Variants in EYS observed in about 807,000 individuals in gnomAD.
The protein encoded by EYS is EGF-like photoreceptor maintenance factor.
A neutral mutation model predicts 282.1 loss-of-function variants in EYS; 250 were observed. The observed-to-expected ratio is 0.89, with a 90% confidence interval of 0.80 to 0.98. The LOEUF (loss-of-function observed/expected upper bound fraction) is 0.98, where lower values mean the gene tolerates loss of function less well. Among genes scored for constraint, EYS ranks in the 50% least tolerant of loss-of-function variants. The pLI, the probability that EYS is intolerant of heterozygous loss-of-function variation, is 0.00. For synonymous variants in EYS, 1,355 were observed against 1,282.9 expected, an observed-to-expected ratio of 1.06 and a Z score of -1.20; for missense variants, 4,016 against 3,709.0, an observed-to-expected ratio of 1.08 and a Z score of -2.15.
intron 12 of EYS, among the ~76,000 whole-genome samples, chr6:65,099,842 T>C (rs895764224): frequency 1.3e-5 from 2 of 150,760 alleles, no homozygotes; most frequent in Non-Finnish European, 3.0e-5. Flanking sequence ...CAATAACTTA[T>C]TTTATCAAAG....
chr6:65,530,651 T>G (rs941069835), intron 2 of EYS, among the ~76,000 whole-genome samples: 1 of 152,170 alleles, frequency 6.6e-6, no homozygotes, highest in Non-Finnish European at 1.5e-5. Flanking sequence ...TATAATAAAA[T>G]ATACCTGCCA....
At chr6:65,604,272 G>A (rs1276440245) in intron 2 of EYS, among the ~76,000 whole-genome samples, 1 of 151,868 alleles carries the variant, frequency 6.6e-6, no homozygotes, top group Non-Finnish European at 1.5e-5. Flanking sequence ...TAAAACAGGA[G>A]GAATTTCATT....
At chr6:65,044,468 G>A (rs1342524785) in intron 13 of EYS, among the ~76,000 whole-genome samples, 1 of 151,608 alleles carries the variant, frequency 6.6e-6, no homozygotes, top group Non-Finnish European at 1.5e-5. Context: ...CCAATTTTGT[G>A]GAGATTTTCC....
chr6:65,230,838 G>GA (rs1273488144), intron 12 of EYS, among the ~76,000 whole-genome samples: 1 of 151,028 alleles, frequency 6.6e-6, no homozygotes, highest in Non-Finnish European at 1.5e-5. Context: ...ATTGTTTTGG[G>GA]AAAAAAATAT....
chr6:64,854,240 G>A (rs189963281), intron 19 of EYS, among the ~76,000 whole-genome samples: 66 of 152,134 alleles, frequency 4.3e-4, no homozygotes, highest in Non-Finnish European at 4.9e-4. Flanking sequence ...CTCAGCAATC[G>A]CATTACTGGG....
intron 28 of EYS, among the ~76,000 whole-genome samples, chr6:64,409,884 G>C (rs886847341): frequency 1.2e-4 from 18 of 152,098 alleles, no homozygotes; most frequent in Non-Finnish European, 2.5e-4. Flanking sequence ...TGCTCTTAGT[G>C]AGGATTTATT....
chr6:64,950,945 T>A (rs1370301650), intron 14 of EYS, among the ~76,000 whole-genome samples: 1 of 150,838 alleles, frequency 6.6e-6, no homozygotes, highest in Non-Finnish European at 1.5e-5. Flanking sequence ...AACCAGGACA[T>A]CTGCCCATTT....
At chr6:64,135,044 C>A (rs1020804571) in intron 31 of EYS, among the ~76,000 whole-genome samples, 1 of 151,988 alleles carries the variant, frequency 6.6e-6, no homozygotes, top group Non-Finnish European at 1.5e-5. Context: ...CCTTTGGAAC[C>A]GAACCTGTGG....
intron 35 of EYS, among the ~76,000 whole-genome samples, chr6:63,866,194 A>G (rs1772667522): frequency 6.6e-6 from 1 of 151,654 alleles, no homozygotes; most frequent in South Asian, 2.1e-4. Context: ...CGATAAAAGC[A>G]CAGCCGGACC....
intron 36 of EYS, among the ~76,000 whole-genome samples, chr6:63,840,048 CTT>C (rs530439771): frequency 1.3e-4 from 16 of 124,518 alleles, no homozygotes; most frequent in East Asian, 7.0e-4. Context: ...TTGCCCATTT[CTT>C]TTTTTTTTTT....
intron 29 of EYS, among the ~76,000 whole-genome samples, chr6:64,310,084 C>A (rs9451287): frequency 3.5e-5 from 5 of 144,268 alleles, no homozygotes; most frequent in African/African-American, 8.4e-5. Context: ...AAAAAAATAA[C>A]AGATGCTGGC....
At chr6:64,615,920 T>C (rs1047496514) in intron 24 of EYS, among the ~76,000 whole-genome samples, 4 of 152,096 alleles carry the variant, frequency 2.6e-5, no homozygotes, top group African/African-American at 9.6e-5. Flanking sequence ...TTTTCCAAGA[T>C]GTTTCTATTT....
intron 22 of EYS, among the ~76,000 whole-genome samples, chr6:64,799,945 C>T (rs2150007001): frequency 6.6e-6 from 1 of 151,892 alleles, no homozygotes; most frequent in African/African-American, 2.4e-5. Context: ...AATATACATG[C>T]CCACACACAA....
chr6:64,340,295 G>T (rs777247101), intron 29 of EYS, among the ~76,000 whole-genome samples: 5 of 151,558 alleles, frequency 3.3e-5, no homozygotes, highest in African/African-American at 7.3e-5. Context: ...GAAGCCAGAG[G>T]CATCACACTA....
intron 5 of EYS, among the ~76,000 whole-genome samples, chr6:65,410,483 ACTT>A (rs990223634): frequency 6.6e-5 from 10 of 151,618 alleles, no homozygotes; most frequent in African/African-American, 1.7e-4. Flanking sequence ...AAACAGCAAT[ACTT>A]CTTCTTCTTA....
intron 39 of EYS, among the ~76,000 whole-genome samples, chr6:63,785,750 T>C (rs1770345132): frequency 6.6e-6 from 1 of 152,186 alleles, no homozygotes; most frequent in Non-Finnish European, 1.5e-5. Context: ...GGCTCAAGCC[T>C]GCAATCCCAG....
intron 31 of EYS, among the ~76,000 whole-genome samples, chr6:64,224,409 T>C (rs1766196313): frequency 6.6e-6 from 1 of 152,066 alleles, no homozygotes; most frequent in South Asian, 2.1e-4. Flanking sequence ...AAAACCATTC[T>C]AATGTTTTAT....
chr6:63,831,665 A>G (rs1771642410), intron 36 of EYS, among the ~76,000 whole-genome samples: 1 of 152,202 alleles, frequency 6.6e-6, no homozygotes. Flanking sequence ...AAAGAGACAG[A>G]AAGTTAACAA....
intron 15 of EYS, among the ~76,000 whole-genome samples, chr6:64,945,440 C>T (rs986397225): frequency 1.3e-5 from 2 of 152,000 alleles, no homozygotes; most frequent in Non-Finnish European, 2.9e-5. Flanking sequence ...TTTAATTTAG[C>T]GGACTCACTC....
Sources: gnomAD v4.1 joint callset for allele counts (sites outside exome capture counted in the v4.1 genomes callset) on GRCh38, gnomAD v4.1.1 for gene constraint, MANE v1.5 for transcripts, NCBI Gene and HGNC (gene_info 2026-07-23, HGNC 2026-07-21) for gene names.